The following CDH19 variants were observed in gnomAD, a reference collection of about 807,000 sequenced individuals.
CDH19 encodes cadherin 19.
A neutral mutation model predicts 64.2 loss-of-function variants in CDH19; 67 were observed. That is an observed-to-expected ratio of 1.04 (90% CI 0.86 to 1.28). CDH19 has a LOEUF of 1.28. Among genes scored for constraint, CDH19 ranks in the 50% most tolerant of loss-of-function variants. The pLI, the probability that CDH19 is intolerant of heterozygous loss-of-function variation, is 0.00. For missense variants in CDH19, 1,030 were observed against 929.0 expected, an observed-to-expected ratio of 1.11 and a Z score of -1.41; for synonymous variants, 346 against 319.3, an observed-to-expected ratio of 1.08 and a Z score of -0.89.
At chr18:66,568,042 T>C (rs964575001) in intron 3 of CDH19, among the ~76,000 whole-genome samples, 3 of 151,884 alleles carry the variant, frequency 2.0e-5, no homozygotes, top group Non-Finnish European at 4.4e-5. Context: ...TTTCCTATTT[T>C]TATGCATATC....
intron 3 of CDH19, among the ~76,000 whole-genome samples, chr18:66,556,445 C>G (rs549884372): frequency 1.3e-5 from 2 of 151,740 alleles, no homozygotes; most frequent in African/African-American, 4.8e-5. Flanking sequence ...TTCATATCCC[C>G]GACACATTAT....
chr18:66,578,165 C>T (rs9957517), intron 1 of CDH19, among the ~76,000 whole-genome samples: 2,986 of 151,880 alleles, frequency 0.02, 111 homozygotes, highest in African/African-American at 0.068. Flanking sequence ...TCTCTGCGAG[C>T]CATTATGTGG....
At position 66,554,691 on chromosome 18, in the gene CDH19, AT is replaced by A. The variant is rs1488829366; in HGVS notation, c.491-168del. Among the ~76,000 whole-genome samples, 8 of 151,640 alleles carry A rather than the reference AT, an allele frequency of 5.3e-5. No homozygotes were observed. The South Asian group carries it at 6.2e-4, about 12-fold the overall frequency. On this transcript the variant is annotated intron_variant, in intron 3 of 11. Transcript: ENST00000262150. ...GTAATGTATTTTTTTGTTGTTTTTT[AT>A]TTTTTTCAGGCAAAAGAATATAACT...
chr18:66,595,207 A>G (rs772464468), intron 1 of CDH19, among the ~76,000 whole-genome samples: 1 of 151,764 alleles, frequency 6.6e-6, no homozygotes, highest in Non-Finnish European at 1.5e-5. Flanking sequence ...TGTTAAGAGG[A>G]AAGTTTATTA....
In CDH19 at chr18:66,535,061, TACC is replaced by T. The variant is rs778799965; in HGVS notation, c.1258_1260del (p.Gly420del). On this transcript the variant is annotated inframe_deletion, in exon 8 of 12. Coordinates refer to ENST00000262150, the MANE Select transcript of CDH19 (RefSeq NM_021153.4). ...TCCAGTGAGTTACTTGTAGTGATTG[TACC>T]ATTATCATTGATATTGAACACTTTG... The T allele has an allele frequency of 6.6e-7, 1 of 1,509,538 alleles. No homozygotes were observed. Among genetic ancestry groups the T allele is most frequent in the South Asian group, 1.3e-5 (1 of 76,252 alleles). The allele number at this position is 1,509,538 out of a possible 1,614,324, so 93.5% of individuals were successfully genotyped here.
chr18:66,505,428 A>C, intron 11 of CDH19, 126 bp from the exon 12 acceptor site: 1 of 745,448 alleles, frequency 1.3e-6, no homozygotes, highest in Non-Finnish European at 1.9e-6. Flanking sequence ...AAAAAGATAC[A>C]TTTGTTATTG....
chr18:66,598,786 C>A (rs1988968872), intron 1 of CDH19, among the ~76,000 whole-genome samples: 1 of 151,940 alleles, frequency 6.6e-6, no homozygotes, highest in Non-Finnish European at 1.5e-5. Context: ...CAGCAACATG[C>A]AATTTACACA....
chr18:66,543,846 G>T, intron 7 of CDH19, 125 bp downstream of exon 7: 1 of 694,716 alleles, frequency 1.4e-6, no homozygotes, highest in Non-Finnish European at 2.3e-6. Context: ...TTGCGCCACT[G>T]TACTCGAGCC....
At chr18:66,519,625 C>T (rs1985894274) in intron 9 of CDH19, among the ~76,000 whole-genome samples, 1 of 151,916 alleles carries the variant, frequency 6.6e-6, no homozygotes, top group Non-Finnish European at 1.5e-5. Flanking sequence ...TCAAGAATAC[C>T]AATCAGAAAT....
chr18:66,575,073 G>A (rs1039710124), intron 1 of CDH19, among the ~76,000 whole-genome samples: 5 of 151,818 alleles, frequency 3.3e-5, no homozygotes, highest in African/African-American at 9.7e-5. Context: ...GTATAAGCAA[G>A]AGGCTAAAAC....
intron 1 of CDH19, among the ~76,000 whole-genome samples, chr18:66,594,520 G>A (rs572098362): frequency 8.9e-4 from 135 of 151,824 alleles, no homozygotes; most frequent in Non-Finnish European, 1.3e-3. Flanking sequence ...TGGCCATAAA[G>A]CAATTCTCAA....
chr18:66,539,025 A>C (rs1394069398), intron 7 of CDH19, among the ~76,000 whole-genome samples: 1 of 152,118 alleles, frequency 6.6e-6, no homozygotes, highest in African/African-American at 2.4e-5. Flanking sequence ...TCTCTTTAGG[A>C]CACAACTCAA....
intron 9 of CDH19, among the ~76,000 whole-genome samples, chr18:66,525,893 T>A (rs929700073): frequency 3.3e-5 from 5 of 152,082 alleles, no homozygotes; most frequent in Non-Finnish European, 5.9e-5. Context: ...TATTTCATGA[T>A]GTGTGACACT....
In CDH19 at chr18:66,519,173, G is replaced by A. The variant is rs185234887; in HGVS notation, c.1459-7488C>T. Among the ~76,000 whole-genome samples the A allele has an allele frequency of 2.0e-4, 31 of 152,248 alleles. No homozygotes were observed. In the East Asian group the frequency reaches 5.4e-3, roughly 27 times the overall value. ...CCAACAGACATTGACAATGTTGTTT[G>A]TGTGCAATGTCAAGTGTACATAGAC... On this transcript the variant is annotated intron_variant, in intron 9 of 11. Coordinates refer to ENST00000262150, the MANE Select transcript of CDH19 (RefSeq NM_021153.4).
Position 66,504,553 on chromosome 18 carries a change from T to C in CDH19, c.*259A>G. Reference sequence around the variant, plus strand: ...CTTGTGTCCTCTCATCTACTTTTAATATCTTCCTAAATTATTTTACTTCAA... The same window carrying C: ...CTTGTGTCCTCTCATCTACTTTTAACATCTTCCTAAATTATTTTACTTCAA... On this transcript the variant is annotated 3_prime_UTR_variant, in exon 12 of 12. Transcript: ENST00000262150. 1 of 352,480 alleles carries C rather than the reference T, an allele frequency of 2.8e-6. No homozygotes were observed. The allele number at this position is 352,480 out of a possible 1,614,324, so 21.8% of individuals were successfully genotyped here. A position where few individuals can be genotyped will look rare whatever the true frequency, so the allele number is the denominator to read the frequency against.
chr18:66,502,725 G>C lies in CDH19; in HGVS notation c.*2087C>G, dbSNP rs1198334787. On this transcript the variant is annotated 3_prime_UTR_variant, in exon 12 of 12. Coordinates refer to ENST00000262150, the MANE Select transcript of CDH19 (RefSeq NM_021153.4). The stretch of plus-strand genomic sequence containing the variant: ...ATTTCTATTTGACTTGCAAATTTTT[G>C]CTCCTTTAAATTTTCTCTTGTTTGG... 6.6e-6 allele frequency: 1 copy of C among 151,660 alleles called. No individual in the cohort carries two copies. Among genetic ancestry groups the C allele is most frequent in the Non-Finnish European group, 1.5e-5 (1 of 67,788 alleles). The allele number at this position is 151,660 out of a possible 1,614,324, so 9.4% of individuals were successfully genotyped here. A position where few individuals can be genotyped will look rare whatever the true frequency, so the allele number is the denominator to read the frequency against.
intron 10 of CDH19, among the ~76,000 whole-genome samples, chr18:66,510,484 A>C (rs993621964): frequency 1.4e-5 from 2 of 147,918 alleles, no homozygotes; most frequent in African/African-American, 4.9e-5. Flanking sequence ...ACTCCAGCTT[A>C]GATTCATTTA....
intron 1 of CDH19, among the ~76,000 whole-genome samples, chr18:66,585,913 G>C (rs191192389): frequency 7.9e-5 from 12 of 152,090 alleles, no homozygotes; most frequent in Non-Finnish European, 1.5e-4. Context: ...AATGAGCCCA[G>C]TGTGACTCAG....
At chr18:66,594,377 A>G (rs1988824793) in intron 1 of CDH19, among the ~76,000 whole-genome samples, 1 of 152,110 alleles carries the variant, frequency 6.6e-6, no homozygotes, top group African/African-American at 2.4e-5. Flanking sequence ...ACTAATAAAG[A>G]TATTCAGAAC....
Sources: allele counts gnomAD v4.1 joint callset (sites outside exome capture counted in the v4.1 genomes callset), GRCh38; gene constraint gnomAD v4.1.1; transcripts MANE v1.5; gene names NCBI Gene and HGNC (gene_info 2026-07-23, HGNC 2026-07-21).